Variants in PTGES2 observed in about 807,000 individuals in gnomAD.
PTGES2 encodes prostaglandin E synthase 2, also known as GATE-binding factor 1.
In PTGES2, 35 loss-of-function variants were observed where a neutral mutation model predicts 44.5. The observed-to-expected ratio is 0.79, with a 90% CI of 0.60 to 1.04. The LOEUF is 1.04. Among genes scored for constraint, PTGES2 ranks in the 50% least tolerant of loss-of-function variants. PTGES2 has a pLI of 0.00. For synonymous variants in PTGES2, 221 were observed against 227.5 expected (o/e 0.97, Z 0.26); for missense variants, 517 against 521.4 (o/e 0.99, Z 0.08).
At chr9:128,124,751 C>G in intron 2 of PTGES2, 2 of 1,347,294 alleles carry the variant, frequency 1.5e-6, no homozygotes, top group Non-Finnish European at 1.9e-6. Context: ...GTGGGAAAGC[C>G]GTGGGGTCTA....
chr9:128,125,189 G>A (rs1425128148), intron 2 of PTGES2, 55 bp downstream of exon 2: 11 of 1,487,212 alleles, frequency 7.4e-6, no homozygotes, highest in South Asian at 5.0e-5. Context: ...GCTAGGGGGC[G>A]CTCCAGGACA....
rs1443875409 is a variant in PTGES2 at position 128,127,680 on chromosome 9, G to A, written c.38C>T (p.Pro13Leu). The part of the protein sequence containing the change: ...PAARVVRALW[P>L]GGCALAWRLG... The stretch of plus-strand genomic sequence containing the variant: ...CCTCCAGGCCAAGGCGCACCCACCA[G>A]GCCACAGCGCCCGCACCACCCGCGC... The change falls in exon 1 of 7, where the codon CCT (proline) becomes CTT (leucine). Residue 13 changes from proline to leucine, a missense_variant. Physicochemically the swap from Pro to Leu is moderately conservative, Grantham distance 98. Coordinates refer to ENST00000338961, the MANE Select transcript of PTGES2 (RefSeq NM_025072.7). The A allele has an allele frequency of 1.0e-5, 13 of 1,297,964 alleles. No individual in the cohort carries two copies. Among genetic ancestry groups the A allele is most frequent in the African/African-American group, 1.5e-5 (1 of 64,770 alleles). 80.4% of individuals were successfully genotyped at this position (1,297,964 alleles called of 1,614,324 possible).
Position 128,125,548 on chromosome 9 carries a change from C to A in PTGES2, c.280-107G>T, listed in dbSNP as rs1401530099. 13 of 1,026,564 alleles carry A rather than the reference C, an allele frequency of 1.3e-5. No individual in the cohort carries two copies. The East Asian group carries it at 2.7e-4, about 22-fold the overall frequency. The allele number at this position is 1,026,564 out of a possible 1,614,324, so 63.6% of individuals were successfully genotyped here. On this transcript the variant is annotated intron_variant, in intron 1 of 6. Coordinates refer to ENST00000338961, the MANE Select transcript of PTGES2 (RefSeq NM_025072.7). ...GTCTTCTGAAATGACGCTAGAACAT[C>A]GGGAAGAGGAACTAGAGATGGAAGG...
chr9:128,127,577 G>A lies in PTGES2; in HGVS notation c.141C>T (p.Pro47=), dbSNP rs765978846. 7.6e-4 allele frequency: 973 copies of A among 1,278,682 alleles called. 1 individual carries two copies. The highest frequency in any genetic ancestry group is 8.2e-4 in the Non-Finnish European group (832 of 1,013,204). 79.2% of individuals were successfully genotyped at this position (1,278,682 alleles called of 1,614,324 possible). ...GGCTCCCCTTACGAGCTGCAGCCAC[G>A]GGGCTCGGGCCGCCCGCCGCCCCCG... ...GFAGAAGGPS[P]VAAARKGSPR... is the part of the protein sequence containing the mutation. The change falls in exon 1 of 7, where the codon CCC becomes CCT. Residue 47 remains proline, a synonymous_variant. Coordinates refer to ENST00000338961, the MANE Select transcript of PTGES2 (RefSeq NM_025072.7).
At chr9:128,128,312 C>G (rs752905852), upstream of PTGES2, 5 of 455,862 alleles carry the variant, frequency 1.1e-5, no homozygotes, top group East Asian at 7.0e-5. Context: ...GCCCGCCGAC[C>G]CCGAGATTTC....
Position 128,123,176 on chromosome 9 carries a change from G to A in PTGES2, c.687-42C>T. The A allele has an allele frequency of 1.3e-6, 2 of 1,585,542 alleles. No individual in the cohort carries two copies. Among genetic ancestry groups the A allele is most frequent in the Non-Finnish European group, 1.7e-6 (2 of 1,167,640 alleles). On this transcript the variant is annotated intron_variant, in intron 4 of 6. Transcript: ENST00000338961. The surrounding 1 kb of genome is among the most constrained non-coding windows in gnomAD (Gnocchi z 4.4). Reference sequence around the variant, plus strand: ...GACTTCCTAAGCCAGGACCCGGGCTGTGTTGGGAGCAGGCTGCATTCTCTA... The same window carrying A: ...GACTTCCTAAGCCAGGACCCGGGCTATGTTGGGAGCAGGCTGCATTCTCTA...
rs1047460 is a variant in PTGES2 at position 128,121,001 on chromosome 9, G to A, written c.*144C>T. 1.8e-6 allele frequency: 2 copies of A among 1,083,164 alleles called. No homozygotes were observed. Among genetic ancestry groups the A allele is most frequent in the Admixed American group, 5.2e-5 (2 of 38,104 alleles). 67.1% of individuals were successfully genotyped at this position (1,083,164 alleles called of 1,614,324 possible). On this transcript the variant is annotated 3_prime_UTR_variant, in exon 7 of 7. Coordinates refer to ENST00000338961, the MANE Select transcript of PTGES2 (RefSeq NM_025072.7). Reference sequence around the variant, plus strand: ...GAGCCCCAGCAGGTGCCCTGTGTTAGAAGCGAGAGGGCTGGTGGGGGTGCG... The same window carrying A: ...GAGCCCCAGCAGGTGCCCTGTGTTAAAAGCGAGAGGGCTGGTGGGGGTGCG...
chr9:128,128,189 G>C (rs373775848), upstream of PTGES2: 1 of 389,880 alleles, frequency 2.6e-6, no homozygotes, highest in Non-Finnish European at 5.1e-6. Context: ...GGTTCTCTCT[G>C]CCCTCCCGCC....
At chr9:128,128,201 C>G (rs1343286066), upstream of PTGES2, 8 of 398,290 alleles carry the variant, frequency 2.0e-5, no homozygotes, top group Admixed American at 2.9e-5. Flanking sequence ...CCTCCCGCCT[C>G]ATTGTCCGCT....
intron 1 of PTGES2, among the ~76,000 whole-genome samples, chr9:128,126,516 A>G (rs774411555): frequency 1.3e-5 from 2 of 152,188 alleles, no homozygotes; most frequent in Non-Finnish European, 2.9e-5. Flanking sequence ...AAAGTGAAAA[A>G]GGCTTTCCCT....
chr9:128,127,989 G>T, upstream of PTGES2: 1 of 437,056 alleles, frequency 2.3e-6, no homozygotes. Flanking sequence ...CGACTGCAGG[G>T]GGGCGAACGT....
At chr9:128,125,761 G>T (rs1346925191) in intron 1 of PTGES2, among the ~76,000 whole-genome samples, 1 of 152,074 alleles carries the variant, frequency 6.6e-6, no homozygotes, top group East Asian at 1.9e-4. Context: ...ACAGCCCCAG[G>T]GTATACACCC....
chr9:128,121,471 ACC>A (rs1834409088), intron 6 of PTGES2, among the ~76,000 whole-genome samples, 198 bp from the exon 7 acceptor site: 1 of 151,646 alleles, frequency 6.6e-6, no homozygotes. Flanking sequence ...TCACATCTGT[ACC>A]CCCTTTTCTG....
upstream of PTGES2, chr9:128,128,007 C>T (rs981529039): frequency 9.8e-6 from 4 of 410,208 alleles, no homozygotes; most frequent in Admixed American, 1.7e-4. Context: ...CGTCTCCTCG[C>T]CCCACCTTGA....
rs749071008 is a variant in PTGES2 at position 128,124,536 on chromosome 9, G to T, written c.492C>A (p.Asp164Glu). Residue 164 changes from aspartate to glutamate, a missense_variant, in exon 3 of 7, where the codon GAC (aspartate) becomes GAA (glutamate). Coordinates refer to ENST00000338961, the MANE Select transcript of PTGES2 (RefSeq NM_025072.7). ...QEGESSQQLN[D>E]SSVIISALKT... ...TGAGGGCGCTGATGATGACAGAGGA[G>T]TCATTTAGTTGTTGCTGGAAGAGAA... The T allele has an allele frequency of 6.2e-7, 1 of 1,613,632 alleles. No individual in the cohort carries two copies. The highest frequency in any genetic ancestry group is 8.5e-7 in the Non-Finnish European group (1 of 1,179,662).
Position 128,123,568 on chromosome 9 carries a change from C to T in PTGES2, c.686+134G>A, listed in dbSNP as rs1016410672. On this transcript the variant is annotated intron_variant, in intron 4 of 6. Transcript: ENST00000338961. This position sits in a 1 kb window ranked among gnomAD's most constrained non-coding sequence, Gnocchi z 4.4. The stretch of plus-strand genomic sequence containing the variant: ...GCTGCAGGAAGGTCTCTACTGAAAT[C>T]CGGCATGGCCCGGCCCCAGCCCCGC... 2.2e-6 allele frequency: 2 copies of T among 924,372 alleles called. No homozygotes were observed. Among genetic ancestry groups the T allele is most frequent in the African/African-American group, 1.6e-5 (1 of 60,616 alleles). 57.3% of individuals were successfully genotyped at this position (924,372 alleles called of 1,614,324 possible). A position where few individuals can be genotyped will look rare whatever the true frequency, so the allele number is the denominator to read the frequency against.
chr9:128,123,892 T>G lies in PTGES2; in HGVS notation c.537-41A>C. The stretch of plus-strand genomic sequence containing the variant: ...CAATATCACCCCAACTCCTTCCCCC[T>G]CCGTCCCCTGTGGCCGACCAACCCC... On this transcript the variant is annotated intron_variant, in intron 3 of 6. Transcript: ENST00000338961. This position sits in a 1 kb window ranked among gnomAD's most constrained non-coding sequence, Gnocchi z 4.4. 1 of 1,595,496 alleles carries G rather than the reference T, an allele frequency of 6.3e-7. No individual in the cohort carries two copies. Among genetic ancestry groups the G allele is most frequent in the Non-Finnish European group, 8.6e-7 (1 of 1,166,036 alleles).
chr9:128,122,505 CA>C (rs1414647113), intron 5 of PTGES2, 26 bp from the exon 6 acceptor site: 3 of 1,594,044 alleles, frequency 1.9e-6, no homozygotes, highest in African/African-American at 1.3e-5. Context: ...AAAAGCCCCT[CA>C]GGGGAGCCCC....
At chr9:128,122,120 G>A (rs1793818655) in intron 6 of PTGES2, among the ~76,000 whole-genome samples, 1 of 152,192 alleles carries the variant, frequency 6.6e-6, no homozygotes, top group Admixed American at 6.5e-5. Flanking sequence ...CCGGGCCTCT[G>A]GATCCAGCAG....
Sources: allele counts gnomAD v4.1 joint callset (sites outside exome capture counted in the v4.1 genomes callset), GRCh38; gene constraint gnomAD v4.1.1; non-coding constraint Gnocchi (gnomAD v3.1); transcripts MANE v1.5; gene names NCBI Gene and HGNC (gene_info 2026-07-23, HGNC 2026-07-21).